The following ADAM12 variants were observed in gnomAD, a reference collection of about 807,000 sequenced individuals.
The protein encoded by ADAM12 is disintegrin and metalloproteinase domain-containing protein 12.
ADAM12 carries 70 observed loss-of-function variants against 106.4 expected under a neutral mutation model. That is an observed-to-expected ratio of 0.66 (90% CI 0.54 to 0.80). The LOEUF (loss-of-function observed/expected upper bound fraction) is 0.80, where lower values mean the gene tolerates loss of function less well. Ranked by LOEUF, ADAM12 falls within the 30% of genes least tolerant of loss-of-function variation. The pLI, the probability that ADAM12 is intolerant of heterozygous loss-of-function variation, is 0.00. For missense variants in ADAM12, 1,010 were observed against 1,171.9 expected (o/e 0.86, Z 2.02); for synonymous variants, 420 against 433.5 (o/e 0.97, Z 0.39).
At chr10:126,080,164 T>G (rs1388731492) in intron 11 of ADAM12, among the ~76,000 whole-genome samples, 1 of 152,170 alleles carries the variant, frequency 6.6e-6, no homozygotes, top group Non-Finnish European at 1.5e-5. Context: ...TCATTGTGCC[T>G]CCTTTGTGCT....
chr10:126,207,653 A>G (rs1371379810), intron 3 of ADAM12, among the ~76,000 whole-genome samples: 1 of 152,160 alleles, frequency 6.6e-6, no homozygotes, highest in Non-Finnish European at 1.5e-5. Flanking sequence ...ACTAAGATAT[A>G]ATTGCTTTTG....
chr10:126,327,824 G>A (rs1351711536), intron 2 of ADAM12, among the ~76,000 whole-genome samples: 7 of 152,110 alleles, frequency 4.6e-5, no homozygotes, highest in Admixed American at 4.6e-4. Flanking sequence ...GCTATCTCAG[G>A]GTGAATGTCT....
intron 5 of ADAM12, among the ~76,000 whole-genome samples, chr10:126,127,467 T>C (rs1956224775): frequency 6.6e-6 from 1 of 152,226 alleles, no homozygotes; most frequent in Non-Finnish European, 1.5e-5. Context: ...TACTGAGTAC[T>C]TGTAACATGC....
At chr10:126,313,095 G>A (rs542263409) in intron 2 of ADAM12, among the ~76,000 whole-genome samples, 1 of 152,298 alleles carries the variant, frequency 6.6e-6, no homozygotes, top group South Asian at 2.1e-4. Flanking sequence ...CTCTCATGAG[G>A]GTGCAGTCAT....
In ADAM12 at chr10:126,039,359, A is replaced by G. The variant is rs760867954; in HGVS notation, c.2175T>C (p.Tyr725=). The G allele has an allele frequency of 6.8e-6, 11 of 1,614,010 alleles. No homozygotes were observed. In the Admixed American group the frequency reaches 1.2e-4, roughly 17 times the overall value. The part of the protein sequence containing the change: ...LCLLAAGFVV[Y]LKRKTLIRLL... ...GTCGTATCAAGGTCTTCCTTTTGAG[A>G]TAAACCACAAATCCGGCAGCAAGAA... The change falls in exon 19 of 23, where the codon TAT becomes TAC. Residue 725 remains tyrosine, a synonymous_variant. Transcript: ENST00000448723.
Position 126,244,983 on chromosome 10 carries a change from A to G in ADAM12, c.260+33932T>C, listed in dbSNP as rs116961463. ...TGTCAACATCCAGCTATGTTTGAAGATGGGGAGTAGGGTACATGATCAGGG... is the reference window on the plus strand; with the variant it reads ...TGTCAACATCCAGCTATGTTTGAAGGTGGGGAGTAGGGTACATGATCAGGG... On this transcript the variant is annotated intron_variant, in intron 3 of 22. Coordinates refer to ENST00000448723, the MANE Select transcript of ADAM12 (RefSeq NM_001288973.2). 1.4e-3 allele frequency among the ~76,000 whole-genome samples: 208 copies of G among 152,320 alleles called. 1 individual carries two copies. Among genetic ancestry groups the G allele is most frequent in the South Asian group, 7.7e-3 (37 of 4,828 alleles).
chr10:126,222,073 T>A (rs1379970101), intron 3 of ADAM12, among the ~76,000 whole-genome samples: 1 of 152,190 alleles, frequency 6.6e-6, no homozygotes, highest in East Asian at 1.9e-4. Context: ...CTTTGAACTA[T>A]GATGCTACCT....
At chr10:126,084,274 G>A (rs1955291999) in intron 11 of ADAM12, among the ~76,000 whole-genome samples, 1 of 152,186 alleles carries the variant, frequency 6.6e-6, no homozygotes, top group Admixed American at 6.5e-5. Flanking sequence ...AGCTACGATG[G>A]CTATTTCTTC....
chr10:126,095,277 G>A (rs1955535081), intron 10 of ADAM12, among the ~76,000 whole-genome samples: 1 of 151,622 alleles, frequency 6.6e-6, no homozygotes, highest in Admixed American at 6.6e-5. Context: ...GCTCACGCCT[G>A]TAATCCCAGC....
At chr10:126,270,078 A>G (rs995825236) in intron 3 of ADAM12, among the ~76,000 whole-genome samples, 3 of 152,246 alleles carry the variant, frequency 2.0e-5, no homozygotes, top group Non-Finnish European at 2.9e-5. Context: ...TAAGGTTGAG[A>G]GATTTTAACT....
At chr10:126,170,451 G>A (rs1403782725) in intron 3 of ADAM12, among the ~76,000 whole-genome samples, 1 of 151,784 alleles carries the variant, frequency 6.6e-6, no homozygotes, top group African/African-American at 2.4e-5. Flanking sequence ...GGGCGGGGGG[G>A]GAGTCCCTGT....
intron 3 of ADAM12, among the ~76,000 whole-genome samples, chr10:126,238,056 C>A (rs1227821808): frequency 6.6e-6 from 1 of 152,190 alleles, no homozygotes; most frequent in African/African-American, 2.4e-5. Flanking sequence ...AAAATATTAT[C>A]CAAAGCATTT....
intron 3 of ADAM12, among the ~76,000 whole-genome samples, chr10:126,203,111 C>G (rs1209598407): frequency 6.6e-6 from 1 of 152,152 alleles, no homozygotes; most frequent in Non-Finnish European, 1.5e-5. Flanking sequence ...ATTATGGAGA[C>G]AGCGATGGTC....
At chr10:126,021,757 A>G (rs1271521435) in intron 21 of ADAM12, among the ~76,000 whole-genome samples, 2 of 152,190 alleles carry the variant, frequency 1.3e-5, no homozygotes, top group East Asian at 3.8e-4. Context: ...TGAGGGTTAA[A>G]TGAGATATTG....
At chr10:126,288,820 G>A (rs1960008179) in intron 2 of ADAM12, among the ~76,000 whole-genome samples, 1 of 151,142 alleles carries the variant, frequency 6.6e-6, no homozygotes, top group Non-Finnish European at 1.5e-5. Context: ...GTGACACGGT[G>A]GCCCAGGGAC....
At chr10:126,338,085 T>C (rs527660106) in intron 1 of ADAM12, among the ~76,000 whole-genome samples, 3 of 152,260 alleles carry the variant, frequency 2.0e-5, no homozygotes, top group Non-Finnish European at 4.4e-5. Context: ...GTTTTATGTG[T>C]CATTTTGAAA....
intron 14 of ADAM12, among the ~76,000 whole-genome samples, chr10:126,051,536 CCCATCCATCCAT>C (rs61278142): frequency 0.035 from 4,210 of 118,770 alleles, 253 homozygotes; most frequent in African/African-American, 0.12. Flanking sequence ...CAGCCAGCCA[CCCATCCATCCAT>C]CCATCCATCC....
rs1565158448 is a variant in ADAM12, at chr10:126,237,524, G to GCAGCAC, written c.260+41390_260+41391insGTGCTG. Among the ~76,000 whole-genome samples the GCAGCAC allele has an allele frequency of 3.9e-5, 6 of 152,092 alleles. No individual in the cohort carries two copies. The East Asian group carries it at 1.2e-3, about 29-fold the overall frequency. On this transcript the variant is annotated intron_variant, in intron 3 of 22. Coordinates refer to ENST00000448723, the MANE Select transcript of ADAM12 (RefSeq NM_001288973.2). ...CTTCACTGGAAACACTTCAGCAAAA[G>GCAGCAC]TTCTGCTTTCAAAACATTTCTTATC...
At chr10:126,109,962 C>T (rs1955841047) in intron 6 of ADAM12, 122 bp from the exon 7 acceptor site, 1 of 821,922 alleles carries the variant, frequency 1.2e-6, no homozygotes, top group Non-Finnish European at 1.8e-6. Flanking sequence ...GCCAGGCCCC[C>T]ACACCTCCAT....
Sources: allele counts gnomAD v4.1 joint callset (sites outside exome capture counted in the v4.1 genomes callset), GRCh38; gene constraint gnomAD v4.1.1; transcripts MANE v1.5; gene names NCBI Gene and HGNC (gene_info 2026-07-23, HGNC 2026-07-21).